The following S100PBP variants were observed in gnomAD, a reference collection of about 807,000 sequenced individuals.
The protein encoded by S100PBP is S100P binding protein, also known as S100P-binding protein.
A neutral mutation model predicts 39.9 loss-of-function variants in S100PBP; 15 were observed. The ratio of observed to expected loss-of-function variants is 0.38; its 90% confidence interval spans 0.25 to 0.58. The LOEUF is 0.58. S100PBP is among the 20% of genes least tolerant of loss of function. The pLI, the probability that S100PBP is intolerant of heterozygous loss-of-function variation, is 0.70. For synonymous variants in S100PBP, 178 were observed against 180.3 expected, an observed-to-expected ratio of 0.99 and a Z score of 0.10; for missense variants, 504 against 487.3, an observed-to-expected ratio of 1.03 and a Z score of -0.32.
At chr1:32,828,397 A>G (rs1306889925) in intron 4 of S100PBP, among the ~76,000 whole-genome samples, 2 of 152,180 alleles carry the variant, frequency 1.3e-5, no homozygotes, top group Non-Finnish European at 2.9e-5. Context: ...GCCTGGTCAC[A>G]TATATGATAA....
chr1:32,821,382 C>T (rs146555693), intron 1 of S100PBP, among the ~76,000 whole-genome samples: 92 of 149,154 alleles, frequency 6.2e-4, no homozygotes, highest in Middle Eastern at 4.1e-3. Flanking sequence ...AGTGCAGTGG[C>T]GCGGTCTGGG....
chr1:32,849,074 T>C (rs1470554125), intron 5 of S100PBP, among the ~76,000 whole-genome samples: 3 of 152,222 alleles, frequency 2.0e-5, no homozygotes, highest in Non-Finnish European at 4.4e-5. Context: ...TTTGGATTAT[T>C]AGCCCCACCT....
At chr1:32,816,886 C>T (rs1315641439), upstream of S100PBP, 2 of 558,356 alleles carry the variant, frequency 3.6e-6, no homozygotes. Context: ...GACGTATCCC[C>T]AGCGACTAAG....
At chr1:32,826,987 A>T in intron 3 of S100PBP, 57 bp downstream of exon 3, 1 of 1,247,976 alleles carries the variant, frequency 8.0e-7, no homozygotes, top group South Asian at 1.6e-5. Context: ...ATTCAGATGT[A>T]TAGCAGAGTT....
In S100PBP at chr1:32,855,990, G is replaced by C; in HGVS notation, c.1179G>C (p.Met393Ile). Residue 393 changes from methionine to isoleucine, a missense_variant, in exon 7 of 7, where the codon ATG (methionine) becomes ATC (isoleucine). Met to Ile is a conservative substitution (Grantham distance 10). Transcript: ENST00000373475. ...YSLTQWVDRNMRSHHRFQRLP... is the reference protein window; with the variant it reads ...YSLTQWVDRNIRSHHRFQRLP... The stretch of plus-strand genomic sequence containing the variant: ...TGACTCAGTGGGTTGACAGGAACAT[G>C]CGAAGCCACCATCGGTTCCAGCGTC... The C allele has an allele frequency of 3.7e-6, 6 of 1,613,758 alleles. No homozygotes were observed. Among genetic ancestry groups the C allele is most frequent in the Non-Finnish European group, 4.2e-6 (5 of 1,179,766 alleles).
chr1:32,819,029 A>G (rs1638912021), intron 1 of S100PBP, among the ~76,000 whole-genome samples: 3 of 152,100 alleles, frequency 2.0e-5, no homozygotes, highest in African/African-American at 7.2e-5. Flanking sequence ...GGCCTCAATA[A>G]AGTAAGGCTT....
At chr1:32,834,109 C>A in intron 5 of S100PBP, 1 of 222,996 alleles carries the variant, frequency 4.5e-6, no homozygotes, top group Non-Finnish European at 1.0e-5. Flanking sequence ...ACCAGATGGT[C>A]CTGCCCCAAA....
At chr1:32,837,395 C>T (rs1231721002) in intron 5 of S100PBP, among the ~76,000 whole-genome samples, 1 of 145,354 alleles carries the variant, frequency 6.9e-6, no homozygotes, top group Non-Finnish European at 1.5e-5. Flanking sequence ...AAGCAGTTCT[C>T]CTGCCTCAGC....
chr1:32,851,963 C>T (rs1236070795), intron 5 of S100PBP, among the ~76,000 whole-genome samples: 1 of 152,108 alleles, frequency 6.6e-6, no homozygotes, highest in Non-Finnish European at 1.5e-5. Flanking sequence ...TCGTTGAGTG[C>T]AAAATTAGCA....
At chr1:32,840,919 G>A (rs1640060686) in intron 5 of S100PBP, among the ~76,000 whole-genome samples, 1 of 151,724 alleles carries the variant, frequency 6.6e-6, no homozygotes, top group African/African-American at 2.4e-5. Flanking sequence ...CCAGCACTTT[G>A]GGAGGCCGAG....
intron 1 of S100PBP, among the ~76,000 whole-genome samples, chr1:32,822,341 G>A (rs756975258): frequency 3.4e-4 from 52 of 152,082 alleles, no homozygotes; most frequent in Non-Finnish European, 7.4e-4. Flanking sequence ...GGCCGGGCGC[G>A]GTGGCTCACG....
At chr1:32,847,839 T>C (rs1640446243) in intron 5 of S100PBP, 1 of 152,194 alleles carries the variant, frequency 6.6e-6, no homozygotes, top group South Asian at 2.1e-4. Context: ...TTTCCTTCTC[T>C]CTTCATTCCC....
intron 6 of S100PBP, among the ~76,000 whole-genome samples, chr1:32,853,382 C>A (rs1163543907): frequency 6.6e-6 from 1 of 150,604 alleles, no homozygotes; most frequent in African/African-American, 2.4e-5. Context: ...TGAGGCAGGA[C>A]AGTTGCTTGA....
chr1:32,849,671 A>G (rs1640531252), intron 5 of S100PBP, among the ~76,000 whole-genome samples: 1 of 152,218 alleles, frequency 6.6e-6, no homozygotes, highest in African/African-American at 2.4e-5. Flanking sequence ...ATGAGCTGAG[A>G]TCTAATTATT....
chr1:32,835,261 T>C (rs534580048), intron 5 of S100PBP: 10 of 152,348 alleles, frequency 6.6e-5, no homozygotes, highest in African/African-American at 2.4e-4. Flanking sequence ...TTTTAAAGAA[T>C]CAATATGTTG....
chr1:32,827,869 A>G (rs1639408885), intron 3 of S100PBP, 124 bp from the exon 4 acceptor site: 1 of 636,052 alleles, frequency 1.6e-6, no homozygotes, highest in Non-Finnish European at 2.9e-6. Flanking sequence ...CGTGGTACAC[A>G]GTAGTGTTCA....
chr1:32,817,163 CG>C (rs776825516), upstream of S100PBP: 1 of 1,613,962 alleles, frequency 6.2e-7, no homozygotes, highest in Non-Finnish European at 8.5e-7. Flanking sequence ...TCCCCAACGG[CG>C]CATTTCCAAC....
intron 1 of S100PBP, among the ~76,000 whole-genome samples, chr1:32,819,957 G>A (rs552737654): frequency 6.6e-6 from 1 of 152,206 alleles, no homozygotes; most frequent in South Asian, 2.1e-4. Context: ...ATAAAGGATA[G>A]TTCAGTGAAC....
intron 5 of S100PBP, among the ~76,000 whole-genome samples, chr1:32,844,445 GT>G (rs1352869807): frequency 6.6e-6 from 1 of 152,132 alleles, no homozygotes; most frequent in Non-Finnish European, 1.5e-5. Context: ...AGGATCACTT[GT>G]GCCTAGCCTA....
Sources: gnomAD v4.1 joint callset for allele counts (sites outside exome capture counted in the v4.1 genomes callset) on GRCh38, gnomAD v4.1.1 for gene constraint, MANE v1.5 for transcripts, NCBI Gene and HGNC (gene_info 2026-07-23, HGNC 2026-07-21) for gene names.